Variants in SCLT1 observed in about 807,000 individuals in gnomAD.
SCLT1 encodes the protein sodium channel and clathrin linker 1.
In SCLT1, 78 loss-of-function variants were observed where a neutral mutation model predicts 112.8. That is an observed-to-expected ratio of 0.69 (90% CI 0.58 to 0.83). SCLT1 has a LOEUF of 0.83. SCLT1 is among the 40% of genes least tolerant of loss of function. The pLI is 0.00. For synonymous variants in SCLT1, 257 were observed against 254.7 expected (o/e 1.01, Z -0.09); for missense variants, 747 against 770.4 (o/e 0.97, Z 0.36).
intron 2 of SCLT1, among the ~76,000 whole-genome samples, chr4:129,050,844 TG>T: frequency 6.6e-6 from 1 of 152,220 alleles, no homozygotes; most frequent in Non-Finnish European, 1.5e-5. Flanking sequence ...GGTTTTCTAC[TG>T]GGCTTTTTAT....
At chr4:129,056,906 C>G (rs1171685474) in intron 2 of SCLT1, among the ~76,000 whole-genome samples, 1 of 152,114 alleles carries the variant, frequency 6.6e-6, no homozygotes, top group African/African-American at 2.4e-5. Flanking sequence ...TGGTGTTGTT[C>G]CAAATCTTAG....
At chr4:128,883,966 C>T (rs1156297190), downstream of SCLT1, 1 of 152,204 alleles carries the variant, frequency 6.6e-6, no homozygotes, top group Non-Finnish European at 1.5e-5. Context: ...GCACTACAAT[C>T]ATACATTAAA....
intron 5 of SCLT1, among the ~76,000 whole-genome samples, chr4:129,032,991 C>G (rs963491958): frequency 6.6e-6 from 1 of 151,914 alleles, no homozygotes; most frequent in Non-Finnish European, 1.5e-5. Context: ...GTGTATATAC[C>G]CAAAAAATTG....
At chr4:129,063,995 C>T (rs1169150222) in intron 2 of SCLT1, among the ~76,000 whole-genome samples, 1 of 152,176 alleles carries the variant, frequency 6.6e-6, no homozygotes, top group African/African-American at 2.4e-5. Context: ...ATTGTTCTTA[C>T]ATTCTTCAAT....
chr4:129,046,494 G>A lies in SCLT1; in HGVS notation c.103-2443C>T, dbSNP rs140283184. On this transcript the variant is annotated intron_variant, in intron 2 of 20. Coordinates refer to ENST00000281142, the MANE Select transcript of SCLT1 (RefSeq NM_144643.4). ...TGGGTTTGTGAGATTCATTCTTACT[G>A]CTGTGAGTAATTTTGGTTAGTTCAT... is the stretch of plus-strand genomic sequence containing the variant. Among the ~76,000 whole-genome samples, 401 of 152,118 alleles carry A rather than the reference G, an allele frequency of 2.6e-3. 2 individuals are homozygous for A. The highest frequency in any genetic ancestry group is 9.2e-3 in the African/African-American group (382 of 41,524).
At chr4:128,914,314 C>T (rs1735315865) in intron 18 of SCLT1, among the ~76,000 whole-genome samples, 2 of 151,158 alleles carry the variant, frequency 1.3e-5, no homozygotes, top group Admixed American at 6.6e-5. Flanking sequence ...TGTAGTGAAC[C>T]GAGATAGCCA....
Position 129,003,876 on chromosome 4 carries a change from C to T in SCLT1, c.291G>A (p.Arg97=). 3 of 1,609,264 alleles carry T rather than the reference C, an allele frequency of 1.9e-6. No individual in the cohort carries two copies. The highest frequency in any genetic ancestry group is 2.2e-5 in the South Asian group (2 of 89,784). The part of the protein sequence containing the change: ...QLENVIKENE[R]LHSELKDAVE... ...CAGCATCTTTTAATTCACTGTGCAA[C>T]CTTTGAAACAAATAGTTAACATGAT... The change falls in exon 6 of 21, where the codon AGG becomes AGA. Residue 97 remains arginine (R), a splice_region_variant and synonymous_variant. Transcript: ENST00000281142.
In SCLT1 at chr4:128,992,226, CTGTT is replaced by C. The variant is rs749855856; in HGVS notation, c.623_626del (p.Gln208ArgfsTer3). 4.4e-6 allele frequency: 7 copies of C among 1,596,992 alleles called. No individual in the cohort carries two copies. Among genetic ancestry groups the C allele is most frequent in the African/African-American group, 1.3e-5 (1 of 74,240 alleles). On this transcript the variant is annotated frameshift_variant, in exon 9 of 21. Coordinates refer to ENST00000281142, the MANE Select transcript of SCLT1 (RefSeq NM_144643.4). LOFTEE classifies it high-confidence loss of function. ...TTTGTTCAGTTACTGTTTTCAGAAA[CTGTT>C]GGTTAGTCTGCCACAAGAAAAAAAA... is the stretch of plus-strand genomic sequence containing the variant.
intron 8 of SCLT1, among the ~76,000 whole-genome samples, chr4:128,996,311 G>T (rs1222591977): frequency 1.3e-5 from 2 of 152,050 alleles, no homozygotes; most frequent in Non-Finnish European, 1.5e-5. Flanking sequence ...GAGTGTCCAG[G>T]ATGTCCTACT....
chr4:129,052,999 C>T (rs1337293087), intron 2 of SCLT1, among the ~76,000 whole-genome samples: 1 of 152,174 alleles, frequency 6.6e-6, no homozygotes, highest in Non-Finnish European at 1.5e-5. Flanking sequence ...AGTAGTCATT[C>T]AAGAGCAGGT....
At chr4:129,004,675 T>C (rs1743837622) in intron 5 of SCLT1, among the ~76,000 whole-genome samples, 1 of 151,932 alleles carries the variant, frequency 6.6e-6, no homozygotes, top group Non-Finnish European at 1.5e-5. Flanking sequence ...ATAAACTACA[T>C]CCATCTACCT....
intron 19 of SCLT1, among the ~76,000 whole-genome samples, chr4:128,890,777 A>G (rs984111117): frequency 6.6e-6 from 1 of 152,230 alleles, no homozygotes; most frequent in African/African-American, 2.4e-5. Flanking sequence ...TTAGAGATGC[A>G]TAAGAATAAA....
Position 129,044,035 on chromosome 4 carries a change from C to T in SCLT1, c.119G>A (p.Gly40Glu). Residue 40 changes from glycine (G) to glutamate (E), a missense_variant, in exon 3 of 21, where the codon GGA becomes GAA. Gly to Glu is a moderately conservative substitution (Grantham distance 98). Transcript: ENST00000281142. Reference sequence around the variant, plus strand: ...GTTTTCAAATGTGTCGTCTCCTTCTCCTTGGCAGACAGCTTTCTATAAAAG... The same window carrying T: ...GTTTTCAAATGTGTCGTCTCCTTCTTCTTGGCAGACAGCTTTCTATAAAAG... ...YSSVQKAVCQ[G>E]EGDDTFENLV... The T allele has an allele frequency of 6.4e-7, 1 of 1,567,924 alleles. No homozygotes were observed.
intron 4 of SCLT1, among the ~76,000 whole-genome samples, chr4:129,042,538 A>T (rs1189639904): frequency 6.6e-6 from 1 of 152,186 alleles, no homozygotes; most frequent in Non-Finnish European, 1.5e-5. Flanking sequence ...AAAAAGAGAG[A>T]TGTAAGCAAA....
intron 2 of SCLT1, among the ~76,000 whole-genome samples, chr4:129,074,005 C>T (rs938821646): frequency 6.6e-6 from 1 of 152,152 alleles, no homozygotes; most frequent in African/African-American, 2.4e-5. Flanking sequence ...TTCATCTACT[C>T]TTCAATGTCC....
chr4:128,939,281 C>G (rs1213720868), intron 17 of SCLT1, among the ~76,000 whole-genome samples: 4 of 152,076 alleles, frequency 2.6e-5, no homozygotes, highest in Non-Finnish European at 5.9e-5. Flanking sequence ...TTCTGCTTAC[C>G]TATTTCAACT....
chr4:129,084,810 C>T (rs1579970436), intron 1 of SCLT1, among the ~76,000 whole-genome samples: 1 of 152,112 alleles, frequency 6.6e-6, no homozygotes, highest in Non-Finnish European at 1.5e-5. Flanking sequence ...GGATAACCGG[C>T]AAGCCATATG....
chr4:129,078,390 A>C (rs1298975228), intron 2 of SCLT1, among the ~76,000 whole-genome samples: 3 of 152,180 alleles, frequency 2.0e-5, no homozygotes, highest in Non-Finnish European at 4.4e-5. Context: ...TTTAAAATAA[A>C]AATTTTTTTT....
Position 128,965,271 on chromosome 4 carries a change from C to G in SCLT1, c.825G>C (p.Arg275Ser). The change falls in exon 11 of 21, where the codon AGG becomes AGC. Residue 275 changes from arginine to serine, a missense_variant. By Grantham distance (110) the Arg-to-Ser change is moderately radical (BLOSUM62 -1). This residue lies in a region of SCLT1 where 723 missense variants were observed against 721.3 expected (regional missense o/e 1.00). Transcript: ENST00000281142. The stretch of plus-strand genomic sequence containing the variant: ...TACTAGACTGTAACTGCTGTAAACG[C>G]CTATCTGATGCTTCCTCTCTTCCAT... The part of the protein sequence containing the change: ...SAHGREEASD[R>S]RLQQLQSSIK... 1 of 1,610,394 alleles carries G rather than the reference C, an allele frequency of 6.2e-7. No homozygotes were observed. The highest frequency in any genetic ancestry group is 8.5e-7 in the Non-Finnish European group (1 of 1,176,854).
Sources: allele counts gnomAD v4.1 joint callset (sites outside exome capture counted in the v4.1 genomes callset), GRCh38; gene constraint gnomAD v4.1.1; regional missense constraint gnomAD v4.1.1; transcripts MANE v1.5; gene names NCBI Gene and HGNC (gene_info 2026-07-23, HGNC 2026-07-21).